Variants in TBC1D1 observed in about 807,000 individuals in gnomAD.
TBC1D1 encodes the protein TBC1 domain family member 1, also known as TBC1 (tre-2/USP6, BUB2, cdc16) domain family, member 1.
In TBC1D1, 89 loss-of-function variants were observed where a neutral mutation model predicts 125.6. The ratio of observed to expected loss-of-function variants is 0.71; its 90% CI spans 0.60 to 0.85. The LOEUF (loss-of-function observed/expected upper bound fraction) is 0.85. Among genes scored for constraint, TBC1D1 ranks in the 40% least tolerant of loss-of-function variants. The pLI, the probability that TBC1D1 is intolerant of heterozygous loss-of-function variation, is 0.00. For synonymous variants in TBC1D1, 565 were observed against 564.1 expected, an observed-to-expected ratio of 1.00 and a Z score of -0.02; for missense variants, 1,377 against 1,469.2, an observed-to-expected ratio of 0.94 and a Z score of 1.03.
At chr4:37,936,654 T>C (rs1724461998) in intron 2 of TBC1D1, among the ~76,000 whole-genome samples, 2 of 152,122 alleles carry the variant, frequency 1.3e-5, no homozygotes, top group South Asian at 4.1e-4. Flanking sequence ...AAAGAGTAGC[T>C]TGGATTAGGG....
intron 2 of TBC1D1, among the ~76,000 whole-genome samples, chr4:37,987,933 A>G (rs149449311): frequency 7.2e-5 from 11 of 152,318 alleles, no homozygotes; most frequent in African/African-American, 2.6e-4. Context: ...AGAGCATCAT[A>G]CTGTGGATGT....
chr4:38,080,688 T>G (rs1021219187), intron 12 of TBC1D1, among the ~76,000 whole-genome samples: 1 of 151,622 alleles, frequency 6.6e-6, no homozygotes, highest in African/African-American at 2.4e-5. Context: ...CCGACGAACG[T>G]CTCACTTGGG....
intron 9 of TBC1D1, 144 bp downstream of exon 9, chr4:38,044,634 G>T (rs1173333039): frequency 2.4e-6 from 2 of 821,560 alleles, no homozygotes; most frequent in South Asian, 2.7e-5. Flanking sequence ...GCTTATAACA[G>T]TATTATCTAC....
rs1401311484 is a variant in TBC1D1 at position 37,902,128 on chromosome 4, T to C, written c.33T>C (p.His11=). The change falls in exon 2 of 20, where the codon CAT becomes CAC. Residue 11 remains histidine (H), a synonymous_variant. Coordinates refer to ENST00000261439, the MANE Select transcript of TBC1D1 (RefSeq NM_015173.4). ...CAATAACATTCACAGCAAGGAAACA[T>C]CTGCTTTCTAACGAGGTCTCGGTGG... 1.2e-6 allele frequency: 2 copies of C among 1,609,972 alleles called. No homozygotes were observed. The highest frequency in any genetic ancestry group is 8.5e-7 in the Non-Finnish European group (1 of 1,178,372).
At chr4:38,020,567 C>A (rs754263642) in intron 4 of TBC1D1, 24 bp from the exon 5 acceptor site, 4 of 1,596,490 alleles carry the variant, frequency 2.5e-6, no homozygotes, top group Non-Finnish European at 3.4e-6. Context: ...TACAACTGAA[C>A]ATCTCGTTCT....
chr4:38,055,431 AT>A (rs1420237120), intron 12 of TBC1D1, among the ~76,000 whole-genome samples: 3 of 152,214 alleles, frequency 2.0e-5, no homozygotes, highest in Non-Finnish European at 4.4e-5. Context: ...GCAGCATGAT[AT>A]CATTACTGAT....
rs535448378 is a variant in TBC1D1, at chr4:38,110,428, A to G, written c.2558-5282A>G. ...CTGGGTGAAGGCTCTTCCCCCTCCA[A>G]GTGATAAAGAAGGAAAAGATTGATC... is the stretch of plus-strand genomic sequence containing the variant. On this transcript the variant is annotated intron_variant, in intron 15 of 19. Transcript: ENST00000261439. 236 of 985,436 alleles carry G rather than the reference A, an allele frequency of 2.4e-4. No homozygotes were observed. In the African/African-American group the frequency reaches 3.9e-3, roughly 16 times the overall value. 61.0% of individuals were successfully genotyped at this position (985,436 alleles called of 1,614,324 possible). A position where few individuals can be genotyped will look rare whatever the true frequency, so the allele number is the denominator to read the frequency against.
Position 38,135,934 on chromosome 4 carries a change from G to GTATA in TBC1D1, c.3307-1200_3307-1199insATAT, listed in dbSNP as rs1766511421. 4.0e-5 allele frequency among the ~76,000 whole-genome samples: 6 copies of GTATA among 150,542 alleles called. 1 individual carries two copies. Among genetic ancestry groups the GTATA allele is most frequent in the South Asian group, 4.3e-4 (2 of 4,692 alleles). On this transcript the variant is annotated intron_variant, in intron 19 of 19. Coordinates refer to ENST00000261439, the MANE Select transcript of TBC1D1 (RefSeq NM_015173.4). Reference sequence around the variant, plus strand: ...TACGTGTGTGTGTATATGTGTGTGTGTGTGTGTGTGTGTGTGTGTATATAT... The same window carrying GTATA: ...TACGTGTGTGTGTATATGTGTGTGTGTATATGTGTGTGTGTGTGTGTGTATATAT...
intron 2 of TBC1D1, among the ~76,000 whole-genome samples, chr4:37,970,723 G>A (rs953204796): frequency 2.6e-5 from 4 of 152,244 alleles, no homozygotes; most frequent in Non-Finnish European, 5.9e-5. Context: ...TTTCCTGCAA[G>A]GACTTCTGTG....
At chr4:37,905,966 G>A (rs1362502506) in intron 2 of TBC1D1, among the ~76,000 whole-genome samples, 3 of 152,090 alleles carry the variant, frequency 2.0e-5, no homozygotes, top group East Asian at 1.9e-4. Flanking sequence ...CTAGTAAAAC[G>A]TTTGCTCAGT....
At chr4:37,934,137 T>C (rs1360178394) in intron 2 of TBC1D1, among the ~76,000 whole-genome samples, 1 of 152,132 alleles carries the variant, frequency 6.6e-6, no homozygotes, top group Non-Finnish European at 1.5e-5. Flanking sequence ...ATCCAGTGTG[T>C]TATGGTCCAA....
At chr4:37,916,545 G>GA (rs1462689901) in intron 2 of TBC1D1, among the ~76,000 whole-genome samples, 2 of 152,122 alleles carry the variant, frequency 1.3e-5, no homozygotes, top group East Asian at 3.9e-4. Flanking sequence ...TCTTGGTTGT[G>GA]AAAAGACAGC....
chr4:38,066,682 T>C (rs1184303570), intron 12 of TBC1D1, among the ~76,000 whole-genome samples: 4 of 152,104 alleles, frequency 2.6e-5, no homozygotes, highest in Admixed American at 1.3e-4. Context: ...GGCAAAGCTA[T>C]GCATGCCCCC....
chr4:37,978,653 C>T (rs1158914864), intron 2 of TBC1D1, among the ~76,000 whole-genome samples: 2 of 139,730 alleles, frequency 1.4e-5, no homozygotes, highest in South Asian at 4.5e-4. Context: ...GGTAGATTTT[C>T]TTACTAGGTA....
intron 2 of TBC1D1, among the ~76,000 whole-genome samples, chr4:37,972,569 T>C (rs1372620952): frequency 6.6e-6 from 1 of 151,312 alleles, no homozygotes; most frequent in Non-Finnish European, 1.5e-5. Flanking sequence ...GGGAAGGATA[T>C]ATTTTTCAGA....
intron 2 of TBC1D1, among the ~76,000 whole-genome samples, chr4:37,920,114 A>AAAC (rs898948795): frequency 5.3e-5 from 8 of 152,208 alleles, no homozygotes; most frequent in East Asian, 1.9e-4. Flanking sequence ...CTCCGTCTCA[A>AAAC]AACAACAACA....
At chr4:38,012,205 A>C (rs1741651418) in intron 2 of TBC1D1, among the ~76,000 whole-genome samples, 1 of 152,244 alleles carries the variant, frequency 6.6e-6, no homozygotes. Flanking sequence ...TTGTTTGACA[A>C]ATGTTCTTTA....
intron 12 of TBC1D1, among the ~76,000 whole-genome samples, chr4:38,068,527 A>G (rs1467367352): frequency 6.6e-6 from 1 of 152,024 alleles, no homozygotes; most frequent in African/African-American, 2.4e-5. Flanking sequence ...TCTGTGCCTG[A>G]TGTTTTATGG....
Position 37,925,928 on chromosome 4 carries a change from C to T in TBC1D1, c.417+23416C>T, listed in dbSNP as rs1722014559. ...AGAGAGAAATTGGCCCTAAATATTT[C>T]CCCATCTACTTTTGACAGATTTAAA... is the stretch of plus-strand genomic sequence containing the variant. On this transcript the variant is annotated intron_variant, in intron 2 of 19. Coordinates refer to ENST00000261439, the MANE Select transcript of TBC1D1 (RefSeq NM_015173.4). 1.3e-5 allele frequency among the ~76,000 whole-genome samples: 2 copies of T among 152,152 alleles called. 1 individual carries two copies. The highest frequency in any genetic ancestry group is 4.1e-4 in the South Asian group (2 of 4,824).
Sources: allele counts gnomAD v4.1 joint callset (sites outside exome capture counted in the v4.1 genomes callset), GRCh38; gene constraint gnomAD v4.1.1; transcripts MANE v1.5; gene names NCBI Gene and HGNC (gene_info 2026-07-23, HGNC 2026-07-21).